The following LRRC4B variants were observed in gnomAD, a reference collection of about 807,000 sequenced individuals.
The protein encoded by LRRC4B is leucine-rich repeat-containing protein 4B.
LRRC4B carries 1 observed loss-of-function variant against 7.3 expected under a neutral mutation model. The ratio of observed to expected loss-of-function variants is 0.14; its 90% confidence interval spans 0.05 to 0.65. The LOEUF is 0.65. LRRC4B is among the 30% of genes least tolerant of loss of function. The probability of loss-of-function intolerance (pLI) is 0.84; values close to 1 mark genes in which losing one functional copy is unlikely to be tolerated. For synonymous variants in LRRC4B, 500 were observed against 499.2 expected (o/e 1.00, Z -0.02); for missense variants, 730 against 1,041.6 (o/e 0.70, Z 4.12).
chr19:50,562,231 C>T (rs143651346), intron 1 of LRRC4B, among the ~76,000 whole-genome samples: 37 of 152,180 alleles, frequency 2.4e-4, no homozygotes, highest in East Asian at 1.4e-3. Context: ...TGGAGGGAGG[C>T]GACCTGCAGG....
chr19:50,543,998 G>T (rs1981682116), intron 2 of LRRC4B, among the ~76,000 whole-genome samples: 1 of 152,068 alleles, frequency 6.6e-6, no homozygotes, highest in Non-Finnish European at 1.5e-5. Flanking sequence ...CTGAGGTCAG[G>T]AGTTCGAGAC....
At chr19:50,566,305 G>A (rs1306691434) in intron 1 of LRRC4B, among the ~76,000 whole-genome samples, 1 of 151,966 alleles carries the variant, frequency 6.6e-6, no homozygotes, top group Non-Finnish European at 1.5e-5. Flanking sequence ...GCCGGGACTT[G>A]GGATGTGAGG....
intron 1 of LRRC4B, among the ~76,000 whole-genome samples, chr19:50,561,222 T>A (rs1001486904): frequency 6.6e-6 from 1 of 151,778 alleles, no homozygotes; most frequent in East Asian, 1.9e-4. Context: ...TCTGGCTGGA[T>A]CAAAACCACT....
At chr19:50,562,130 A>G (rs1982487787) in intron 1 of LRRC4B, among the ~76,000 whole-genome samples, 1 of 151,898 alleles carries the variant, frequency 6.6e-6, no homozygotes, top group Non-Finnish European at 1.5e-5. Flanking sequence ...AAAAAAAAAA[A>G]AAAAATTGAA....
chr19:50,545,053 A>C (rs1981738528), intron 2 of LRRC4B, among the ~76,000 whole-genome samples: 1 of 150,942 alleles, frequency 6.6e-6, no homozygotes, highest in South Asian at 2.1e-4. Flanking sequence ...CGGAGCTTGC[A>C]GTGAGCCAAG....
intron 1 of LRRC4B, among the ~76,000 whole-genome samples, chr19:50,549,813 G>A (rs988493004): frequency 2.6e-5 from 4 of 152,168 alleles, no homozygotes; most frequent in East Asian, 1.9e-4. Context: ...AGACAGCCCC[G>A]ATGGGACTCA....
intron 1 of LRRC4B, among the ~76,000 whole-genome samples, chr19:50,565,045 G>T (rs1191147275): frequency 6.6e-6 from 1 of 152,198 alleles, no homozygotes; most frequent in African/African-American, 2.4e-5. Context: ...CGGACGGCGA[G>T]GAGGTCCCTG....
At position 50,555,097 on chromosome 19, in the gene LRRC4B, G is replaced by GC. The variant is rs530234392; in HGVS notation, c.-35-6225dup. Among the ~76,000 whole-genome samples the GC allele has an allele frequency of 5.3e-5, 8 of 152,298 alleles. No individual in the cohort carries two copies. Among genetic ancestry groups the GC allele is most frequent in the African/African-American group, 1.7e-4 (7 of 41,556 alleles). On this transcript the variant is annotated intron_variant, in intron 1 of 2. Coordinates refer to ENST00000652263, the MANE Select transcript of LRRC4B (RefSeq NM_001080457.2). The surrounding 1 kb of genome is among the most constrained non-coding windows in gnomAD (Gnocchi z 5.2). ...GCAGAGGCTCCATGGACTGCCCTCT[G>GC]CCCCCACGCACCCCTAGTAGTGATG...
At chr19:50,543,438 A>T (rs1981645561) in intron 2 of LRRC4B, among the ~76,000 whole-genome samples, 1 of 151,848 alleles carries the variant, frequency 6.6e-6, no homozygotes, top group South Asian at 2.1e-4. Flanking sequence ...TGCTTCTCTC[A>T]TCATCCCTCA....
rs1012685219 is a variant in LRRC4B at position 50,568,356 on chromosome 19, C to A, written c.-448G>T. Among the ~76,000 whole-genome samples, 1 of 143,536 alleles carries A rather than the reference C, an allele frequency of 7.0e-6. No homozygotes were observed. Among genetic ancestry groups the A allele is most frequent in the Non-Finnish European group, 1.5e-5 (1 of 64,696 alleles). 94.2% of individuals were successfully genotyped at this position (143,536 alleles called of 152,430 possible). A position where few individuals can be genotyped will look rare whatever the true frequency, so the allele number is the denominator to read the frequency against. On this transcript the variant is annotated 5_prime_UTR_variant, in exon 1 of 3. Coordinates refer to ENST00000652263, the MANE Select transcript of LRRC4B (RefSeq NM_001080457.2). ...CACCCCACCCCCCCCCAGGCCCCGGCCCCGGCCCCGGCCCCCGCCTCGGAC... is the reference window on the plus strand; with the variant it reads ...CACCCCACCCCCCCCCAGGCCCCGGACCCGGCCCCGGCCCCCGCCTCGGAC...
chr19:50,564,624 A>AAGAGGAGGGG (rs1982568041), intron 1 of LRRC4B, among the ~76,000 whole-genome samples: 1 of 151,920 alleles, frequency 6.6e-6, no homozygotes, highest in African/African-American at 2.4e-5. Flanking sequence ...AGTCCCAGGG[A>AAGAGGAGGGG]AGATGAGGGG....
At position 50,555,734 on chromosome 19, in the gene LRRC4B, G is replaced by C. The variant is rs959926838; in HGVS notation, c.-35-6861C>G. The C allele has an allele frequency of 6.6e-5, 10 of 152,480 alleles. No homozygotes were observed. The highest frequency in any genetic ancestry group is 2.4e-4 in the African/African-American group (10 of 41,558). The allele number at this position is 152,480 out of a possible 1,614,324, so 9.4% of individuals were successfully genotyped here. A position where few individuals can be genotyped will look rare whatever the true frequency, so the allele number is the denominator to read the frequency against. ...AGGAGAGGCGGGGTGAGGAGAAATG[G>C]GAGGCAGGGAACGTTCCTGTCAGGC... On this transcript the variant is annotated intron_variant, in intron 1 of 2. Transcript: ENST00000652263. This position sits in a 1 kb window ranked among gnomAD's most constrained non-coding sequence, Gnocchi z 5.2.
intron 2 of LRRC4B, among the ~76,000 whole-genome samples, chr19:50,523,327 G>A (rs1018648892): frequency 2.7e-5 from 4 of 150,642 alleles, no homozygotes; most frequent in East Asian, 1.9e-4. Context: ...GATGCATCCT[G>A]TGTCATCACA....
intron 2 of LRRC4B, among the ~76,000 whole-genome samples, chr19:50,547,975 TGCCC>T (rs1981885077): frequency 1.3e-5 from 2 of 152,144 alleles, no homozygotes; most frequent in Non-Finnish European, 2.9e-5. Flanking sequence ...AACCCTGCAC[TGCCC>T]GGCAAATGAC....
Position 50,548,866 on chromosome 19 carries a change from C to A in LRRC4B, c.-28G>T. The A allele has an allele frequency of 1.6e-6, 1 of 641,962 alleles. No individual in the cohort carries two copies. Among genetic ancestry groups the A allele is most frequent in the Non-Finnish European group, 2.1e-6 (1 of 474,774 alleles). 39.8% of individuals were successfully genotyped at this position (641,962 alleles called of 1,614,324 possible). ...TCAATGTTCATGCTCCGCGTGGACG[C>A]TGGGGGGCTGTGGGTGGGGGAGAGA... On this transcript the variant is annotated 5_prime_UTR_variant, in exon 2 of 3. Coordinates refer to ENST00000652263, the MANE Select transcript of LRRC4B (RefSeq NM_001080457.2). This position sits in a 1 kb window ranked among gnomAD's most constrained non-coding sequence, Gnocchi z 6.8.
intron 2 of LRRC4B, among the ~76,000 whole-genome samples, chr19:50,545,878 C>T (rs1237452505): frequency 6.6e-6 from 1 of 151,878 alleles, no homozygotes; most frequent in Non-Finnish European, 1.5e-5. Flanking sequence ...CTCATGCCAC[C>T]ATACCTGGCT....
At chr19:50,529,768 C>T (rs143078498) in intron 2 of LRRC4B, among the ~76,000 whole-genome samples, 1 of 152,246 alleles carries the variant, frequency 6.6e-6, no homozygotes, top group African/African-American at 2.4e-5. Flanking sequence ...CCACTGCGCT[C>T]CAGCCTGGGC....
intron 2 of LRRC4B, among the ~76,000 whole-genome samples, chr19:50,532,081 C>T (rs116740578): frequency 1.5e-3 from 223 of 152,004 alleles, no homozygotes; most frequent in African/African-American, 5.3e-3. Context: ...CAACACCCAC[C>T]AAAATTTACC....
chr19:50,551,898 C>T (rs903331950), intron 1 of LRRC4B, among the ~76,000 whole-genome samples: 7 of 142,634 alleles, frequency 4.9e-5, no homozygotes, highest in Non-Finnish European at 9.2e-5. Context: ...TCCTTCTGAA[C>T]GGGGAGGGCG....
Sources: allele counts gnomAD v4.1 joint callset (sites outside exome capture counted in the v4.1 genomes callset), GRCh38; gene constraint gnomAD v4.1.1; non-coding constraint Gnocchi (gnomAD v3.1); transcripts MANE v1.5; gene names NCBI Gene and HGNC (gene_info 2026-07-23, HGNC 2026-07-21).